CACNA1B: variants seen among roughly 807,000 people sequenced by gnomAD.
The protein encoded by CACNA1B is voltage-dependent N-type calcium channel subunit alpha-1B.
CACNA1B carries 70 observed loss-of-function variants against 247.2 expected under a neutral mutation model. The ratio of observed to expected loss-of-function variants is 0.28; its 90% CI spans 0.23 to 0.35. The LOEUF is 0.35. Ranked by LOEUF, CACNA1B falls within the 10% of genes least tolerant of loss-of-function variation. CACNA1B has a pLI of 1.00. For missense variants in CACNA1B, 2,367 were observed against 3,197.4 expected, an observed-to-expected ratio of 0.74 and a Z score of 6.26; for synonymous variants, 1,231 against 1,294.4, an observed-to-expected ratio of 0.95 and a Z score of 1.05.
Position 138,058,314 on chromosome 9 carries a change from C to A in CACNA1B, c.4308+64C>A. 7.4e-7 allele frequency: 1 copy of A among 1,359,466 alleles called. No homozygotes were observed. The allele number at this position is 1,359,466 out of a possible 1,614,324, so 84.2% of individuals were successfully genotyped here. The stretch of plus-strand genomic sequence containing the variant: ...TGGGCAGCGCCATCAGGCTTCCCTC[C>A]TGCACACAAATCACTCACAGCTGGG... On this transcript the variant is annotated intron_variant, in intron 28 of 46. Coordinates refer to ENST00000371372, the MANE Select transcript of CACNA1B (RefSeq NM_000718.4). The surrounding 1 kb of genome is among the most constrained non-coding windows in gnomAD (Gnocchi z 4.7).
At chr9:137,946,884 C>T (rs1035325195) in intron 6 of CACNA1B, among the ~76,000 whole-genome samples, 13 of 152,048 alleles carry the variant, frequency 8.5e-5, no homozygotes, top group South Asian at 2.1e-4. Flanking sequence ...AATACGTTAC[C>T]GGGGGGGTCT....
intron 13 of CACNA1B, among the ~76,000 whole-genome samples, chr9:137,984,838 C>T (rs1306941015): frequency 2.6e-5 from 4 of 152,206 alleles, no homozygotes; most frequent in African/African-American, 7.2e-5. Flanking sequence ...TGCAGTTTGC[C>T]TACAAAGAGA....
intron 19 of CACNA1B, 55 bp downstream of exon 19, chr9:138,023,866 G>C: frequency 4.5e-6 from 4 of 892,014 alleles, no homozygotes; most frequent in Non-Finnish European, 7.2e-6. Context: ...GGGCGGCGCG[G>C]GCCCCAGCGG....
intron 32 of CACNA1B, among the ~76,000 whole-genome samples, chr9:138,070,578 T>C (rs1960091850): frequency 1.3e-5 from 2 of 152,208 alleles, no homozygotes; most frequent in South Asian, 2.1e-4. Flanking sequence ...GTAGAAGATA[T>C]TTGAGAGTCG....
chr9:138,016,999 A>G (rs536302673), intron 18 of CACNA1B: 2 of 414,940 alleles, frequency 4.8e-6, no homozygotes, highest in African/African-American at 4.1e-5. Context: ...TGCCCGTCTG[A>G]CGGACGCGTC....
chr9:138,107,916 C>T (rs1455840356), intron 39 of CACNA1B, among the ~76,000 whole-genome samples: 1 of 150,574 alleles, frequency 6.6e-6, no homozygotes, highest in African/African-American at 2.5e-5. Context: ...ACCCAGGAGG[C>T]AGAGCTTGCA....
intron 36 of CACNA1B, among the ~76,000 whole-genome samples, chr9:138,095,513 C>T (rs1961025400): frequency 6.6e-6 from 1 of 151,974 alleles, no homozygotes; most frequent in Non-Finnish European, 1.5e-5. Context: ...TGTACATTGC[C>T]AGTAGGAATG....
chr9:138,093,403 C>CAA (rs58608297), intron 36 of CACNA1B, among the ~76,000 whole-genome samples: 429 of 42,752 alleles, frequency 0.01, no homozygotes, highest in Middle Eastern at 0.042. Flanking sequence ...GACTCTGTCT[C>CAA]AAAAAAAAAA....
intron 20 of CACNA1B, among the ~76,000 whole-genome samples, chr9:138,033,203 A>G (rs934452847): frequency 2.0e-5 from 3 of 151,674 alleles, no homozygotes; most frequent in Non-Finnish European, 4.4e-5. Context: ...CAGTCACTGT[A>G]TTTTTCAGTT....
rs901180228 is a variant in CACNA1B at position 138,058,514 on chromosome 9, G to A, written c.4309-55G>A. The A allele has an allele frequency of 1.9e-5, 29 of 1,508,684 alleles. No homozygotes were observed. The Middle Eastern group carries it at 8.7e-4, about 45-fold the overall frequency. 93.5% of individuals were successfully genotyped at this position (1,508,684 alleles called of 1,614,324 possible). On this transcript the variant is annotated intron_variant, in intron 28 of 46. Coordinates refer to ENST00000371372, the MANE Select transcript of CACNA1B (RefSeq NM_000718.4). This position sits in a 1 kb window ranked among gnomAD's most constrained non-coding sequence, Gnocchi z 4.7. ...CGAGACAGGGCTGGGTGCAGTAGAT[G>A]CCGTCGGGTAGGTTTTCTGCTTCTG...
intron 20 of CACNA1B, among the ~76,000 whole-genome samples, chr9:138,025,605 C>T (rs1005150832): frequency 5.3e-5 from 8 of 152,340 alleles, no homozygotes; most frequent in South Asian, 2.1e-4. Context: ...CTCTCCACTG[C>T]GTCTGCCCAT....
chr9:138,114,574 A>G, intron 41 of CACNA1B, 84 bp downstream of exon 41: 1 of 664,394 alleles, frequency 1.5e-6, no homozygotes, highest in South Asian at 1.7e-5. Context: ...GACGGGGGAG[A>G]TGCACACCAT....
In CACNA1B at chr9:138,050,086, G is replaced by C. The variant is rs1183292462; in HGVS notation, c.3710+771G>C. The C allele has an allele frequency of 7.8e-7, 1 of 1,289,582 alleles. No individual in the cohort carries two copies. Among genetic ancestry groups the C allele is most frequent in the Non-Finnish European group, 1.0e-6 (1 of 988,684 alleles). 79.9% of individuals were successfully genotyped at this position (1,289,582 alleles called of 1,614,324 possible). The stretch of plus-strand genomic sequence containing the variant: ...GCTGGACTCGGCAGGAGCTTCGTGG[G>C]GTAATGCCTTCTCTCCCCCACACGC... On this transcript the variant is annotated intron_variant, in intron 24 of 46. Transcript: ENST00000371372. This position sits in a 1 kb window ranked among gnomAD's most constrained non-coding sequence, Gnocchi z 5.2.
intron 6 of CACNA1B, among the ~76,000 whole-genome samples, chr9:137,938,026 C>A (rs1018483855): frequency 1.1e-4 from 16 of 142,466 alleles, no homozygotes; most frequent in Admixed American, 5.6e-4. Flanking sequence ...CACCAGGTAA[C>A]CTATAAAGGA....
Position 138,031,416 on chromosome 9 carries a change from C to T in CACNA1B, c.3286+6244C>T, listed in dbSNP as rs529513446. Among the ~76,000 whole-genome samples the T allele has an allele frequency of 6.6e-5, 10 of 152,240 alleles. No homozygotes were observed. The South Asian group carries it at 8.3e-4, about 13-fold the overall frequency. On this transcript the variant is annotated intron_variant, in intron 20 of 46. Coordinates refer to ENST00000371372, the MANE Select transcript of CACNA1B (RefSeq NM_000718.4). ...CAGTTCTTTTAAGTTTGTTAAGGTT[C>T]GTGGCCCAGGATGTGGGATATCTTG...
Position 138,010,096 on chromosome 9 carries a change from G to A in CACNA1B, c.2160+19G>A. On this transcript the variant is annotated intron_variant, in intron 17 of 46. Transcript: ENST00000371372. The surrounding 1 kb of genome is among the most constrained non-coding windows in gnomAD (Gnocchi z 5.3). ...GACCAAGGTAGGTGGCGACAGGGAGGGACCGGTGTCAGCCCATGTCACTTG... is the reference window on the plus strand; with the variant it reads ...GACCAAGGTAGGTGGCGACAGGGAGAGACCGGTGTCAGCCCATGTCACTTG... The A allele has an allele frequency of 6.2e-7, 1 of 1,603,760 alleles. No homozygotes were observed. The highest frequency in any genetic ancestry group is 8.5e-7 in the Non-Finnish European group (1 of 1,170,660).
At chr9:137,906,506 C>T (rs1347991263) in intron 3 of CACNA1B, among the ~76,000 whole-genome samples, 1 of 152,198 alleles carries the variant, frequency 6.6e-6, no homozygotes, top group African/African-American at 2.4e-5. Context: ...ACGTGTTCCC[C>T]TGCATGTCCA....
intron 15 of CACNA1B, among the ~76,000 whole-genome samples, chr9:138,006,566 T>G (rs1249750558): frequency 2.6e-5 from 4 of 152,262 alleles, no homozygotes; most frequent in African/African-American, 9.6e-5. Flanking sequence ...TCTGCAGCCA[T>G]GTCCTTCTGG....
chr9:138,083,504 A>T (rs1261188264), intron 36 of CACNA1B, among the ~76,000 whole-genome samples: 1 of 150,604 alleles, frequency 6.6e-6, no homozygotes, highest in Admixed American at 6.6e-5. Flanking sequence ...CATCCCAGGA[A>T]ATGGTGCGTT....
Sources: allele counts gnomAD v4.1 joint callset (sites outside exome capture counted in the v4.1 genomes callset), GRCh38; gene constraint gnomAD v4.1.1; non-coding constraint Gnocchi (gnomAD v3.1); transcripts MANE v1.5; gene names NCBI Gene and HGNC (gene_info 2026-07-23, HGNC 2026-07-21).